Variants in TRPV2 observed in about 807,000 individuals in gnomAD.
The protein encoded by TRPV2 is transient receptor potential cation channel subfamily V member 2, also known as OTRPC2.
In TRPV2, 58 loss-of-function variants were observed where a neutral mutation model predicts 91.0. The ratio of observed to expected loss-of-function variants is 0.64; its 90% confidence interval spans 0.52 to 0.79. The LOEUF is 0.79. TRPV2 is among the 30% of genes least tolerant of loss of function. The probability of loss-of-function intolerance (pLI) is 0.00; values close to 1 mark genes in which losing one functional copy is unlikely to be tolerated. For synonymous variants in TRPV2, 417 were observed against 414.8 expected, an observed-to-expected ratio of 1.01 and a Z score of -0.06; for missense variants, 807 against 969.6, an observed-to-expected ratio of 0.83 and a Z score of 2.23.
chr17:16,420,260 C>T lies in TRPV2; in HGVS notation c.334+12C>T, dbSNP rs376264685. The T allele has an allele frequency of 6.2e-7, 1 of 1,603,592 alleles. No homozygotes were observed. On this transcript the variant is annotated intron_variant, in intron 3 of 14. Transcript: ENST00000338560. ...CTCGGAATACACAGGTAGACCCTGC[C>T]CTGTGGATCCAAGGCTAGGCATCCT...
At chr17:16,432,769 A>G (rs531629463) in intron 12 of TRPV2, among the ~76,000 whole-genome samples, 1 of 150,272 alleles carries the variant, frequency 6.7e-6, no homozygotes, top group East Asian at 2.0e-4. Flanking sequence ...TCAATGTGCT[A>G]CCAGCTACTC....
chr17:16,417,962 T>C lies in TRPV2; in HGVS notation c.200+94T>C, dbSNP rs1013974185. 1.0e-5 allele frequency: 13 copies of C among 1,241,564 alleles called. No individual in the cohort carries two copies. In the African/African-American group the frequency reaches 1.7e-4, roughly 16 times the overall value. The allele number at this position is 1,241,564 out of a possible 1,614,324, so 76.9% of individuals were successfully genotyped here. A position where few individuals can be genotyped will look rare whatever the true frequency, so the allele number is the denominator to read the frequency against. On this transcript the variant is annotated intron_variant, in intron 2 of 14. Coordinates refer to ENST00000338560, the MANE Select transcript of TRPV2 (RefSeq NM_016113.5). ...GACTCATTGACTAGTCCAGCACCAG[T>C]GCCCCTTCCCACAGCCTGTGGAGTC...
intron 12 of TRPV2, among the ~76,000 whole-genome samples, chr17:16,433,032 T>C (rs1003106875): frequency 6.6e-6 from 1 of 152,158 alleles, no homozygotes; most frequent in Non-Finnish European, 1.5e-5. Flanking sequence ...CTTGAACTCC[T>C]GACCTCAGGT....
chr17:16,431,460 G>T (rs1483320080), intron 10 of TRPV2, among the ~76,000 whole-genome samples: 2 of 151,164 alleles, frequency 1.3e-5, no homozygotes, highest in African/African-American at 2.4e-5. Flanking sequence ...ACTGCACCTG[G>T]CTAATTTTTT....
At chr17:16,427,912 T>C (rs953472848) in intron 8 of TRPV2, among the ~76,000 whole-genome samples, 1 of 152,122 alleles carries the variant, frequency 6.6e-6, no homozygotes, top group Non-Finnish European at 1.5e-5. Flanking sequence ...TTTCCCCCAG[T>C]AGGGCCTCTT....
chr17:16,428,605 T>A, intron 9 of TRPV2: 1 of 708,568 alleles, frequency 1.4e-6, no homozygotes, highest in Non-Finnish European at 2.4e-6. Flanking sequence ...TTACTAGGCC[T>A]CGGCACATAC....
At chr17:16,419,505 TCCCAGTTTGG>T (rs1252273690) in intron 2 of TRPV2, 1 of 445,052 alleles carries the variant, frequency 2.2e-6, no homozygotes, top group Non-Finnish European at 4.6e-6. Context: ...CTGCTGAGAT[TCCCAGTTTGG>T]CGCTGTGTGA....
In TRPV2 at chr17:16,434,680, A is replaced by G; in HGVS notation, c.2115-210A>G. ...GAACAGCCAGAAGCGATGGATGCTG[A>G]TTCCTGCAAGTGAGCACCTGCCTCA... On this transcript the variant is annotated intron_variant, in intron 13 of 14. Transcript: ENST00000338560. 1.6e-5 allele frequency: 8 copies of G among 514,124 alleles called. No homozygotes were observed. The South Asian group carries it at 2.3e-4, about 15-fold the overall frequency. The allele number at this position is 514,124 out of a possible 1,614,324, so 31.8% of individuals were successfully genotyped here. A position where few individuals can be genotyped will look rare whatever the true frequency, so the allele number is the denominator to read the frequency against.
At chr17:16,436,267 G>A (rs886657556) in intron 14 of TRPV2, among the ~76,000 whole-genome samples, 4 of 152,132 alleles carry the variant, frequency 2.6e-5, no homozygotes, top group East Asian at 1.9e-4. Flanking sequence ...TGCAGCCCAC[G>A]CTACACAATG....
intron 10 of TRPV2, among the ~76,000 whole-genome samples, chr17:16,429,431 T>C (rs1000547162): frequency 2.0e-5 from 3 of 152,202 alleles, no homozygotes; most frequent in African/African-American, 4.8e-5. Context: ...GCTGATGTTC[T>C]GGTGGGAGGA....
chr17:16,429,122 C>A (rs1242856908), intron 10 of TRPV2, 140 bp downstream of exon 10: 3 of 951,974 alleles, frequency 3.2e-6, no homozygotes, highest in Non-Finnish European at 4.6e-6. Context: ...TGGATGGAAG[C>A]TTAAGTACAG....
intron 10 of TRPV2, among the ~76,000 whole-genome samples, chr17:16,431,288 CAT>C (rs201460644): frequency 0.25 from 17,695 of 71,190 alleles, 2,375 homozygotes; most frequent in Middle Eastern, 0.32. Flanking sequence ...TATATATATA[CAT>C]ATTTTTTTTT....
At chr17:16,416,979 T>C (rs2093333596) in intron 1 of TRPV2, among the ~76,000 whole-genome samples, 1 of 152,188 alleles carries the variant, frequency 6.6e-6, no homozygotes, top group Admixed American at 6.5e-5. Context: ...TTAATGTAAA[T>C]GGTAACAGGG....
rs986765403 is a variant in TRPV2 at position 16,432,204 on chromosome 17, G to C, written c.1893G>C (p.Leu631=). ...MVLLLLLAYV[L]LTYILLLNML... ...TGCTGCTGCTGCTGGCCTACGTGCT[G>C]CTCACCTACATCCTGCTGCTCAACA... Residue 631 remains leucine (L), a synonymous_variant, in exon 12 of 15, where the codon CTG becomes CTC. Transcript: ENST00000338560. 1 of 1,614,212 alleles carries C rather than the reference G, an allele frequency of 6.2e-7. No homozygotes were observed. Among genetic ancestry groups the C allele is most frequent in the South Asian group, 1.1e-5 (1 of 91,088 alleles).
chr17:16,424,267 C>T (rs902906418), intron 5 of TRPV2, among the ~76,000 whole-genome samples: 4 of 152,158 alleles, frequency 2.6e-5, no homozygotes, highest in African/African-American at 9.6e-5. Flanking sequence ...AAGCAATTCT[C>T]CTGCCTCAGC....
chr17:16,429,596 G>T (rs530497538), intron 10 of TRPV2, among the ~76,000 whole-genome samples: 1 of 152,334 alleles, frequency 6.6e-6, no homozygotes, highest in African/African-American at 2.4e-5. Flanking sequence ...GGATGTTTAA[G>T]TTGAGACCTG....
chr17:16,426,557 T>C lies in TRPV2; in HGVS notation c.1096-165T>C, dbSNP rs1488452830. On this transcript the variant is annotated intron_variant, in intron 6 of 14. Transcript: ENST00000338560. This position sits in a 1 kb window ranked among gnomAD's most constrained non-coding sequence, Gnocchi z 6.0. ...GAGGGCAAGCCCCTTAGTCACACTGTAGCTGGGAGGGTTGGCGTGAGGTCC... is the reference window on the plus strand; with the variant it reads ...GAGGGCAAGCCCCTTAGTCACACTGCAGCTGGGAGGGTTGGCGTGAGGTCC... Among the ~76,000 whole-genome samples the C allele has an allele frequency of 1.3e-5, 2 of 152,192 alleles. No homozygotes were observed. Among genetic ancestry groups the C allele is most frequent in the African/African-American group, 4.8e-5 (2 of 41,442 alleles).
At position 16,426,643 on chromosome 17, in the gene TRPV2, T is replaced by C. The variant is rs1227646866; in HGVS notation, c.1096-79T>C. 10 of 1,519,326 alleles carry C rather than the reference T, an allele frequency of 6.6e-6. No homozygotes were observed. The highest frequency in any genetic ancestry group is 8.9e-6 in the Non-Finnish European group (10 of 1,125,330). The allele number at this position is 1,519,326 out of a possible 1,614,324, so 94.1% of individuals were successfully genotyped here. On this transcript the variant is annotated intron_variant, in intron 6 of 14. Transcript: ENST00000338560. The surrounding 1 kb of genome is among the most constrained non-coding windows in gnomAD (Gnocchi z 6.0). ...TCCTCTCTCCTCATTTCCTGGGCCC[T>C]TGCTTTGATCTTGACATGGAGTGGG...
At chr17:16,433,552 C>G (rs1238143560) in intron 12 of TRPV2, 22 bp from the exon 13 acceptor site, 1 of 1,612,680 alleles carries the variant, frequency 6.2e-7, no homozygotes, top group African/African-American at 1.3e-5. Flanking sequence ...GACGTTCTGT[C>G]TGATGCATCC....
Sources: gnomAD v4.1 joint callset for allele counts (sites outside exome capture counted in the v4.1 genomes callset) on GRCh38, gnomAD v4.1.1 for gene constraint, Gnocchi (gnomAD v3.1) non-coding constraint, MANE v1.5 for transcripts, NCBI Gene and HGNC (gene_info 2026-07-23, HGNC 2026-07-21) for gene names.